GABRA2: variants seen among roughly 807,000 people sequenced by gnomAD.
GABRA2 encodes the protein gamma-aminobutyric acid receptor subunit alpha-2.
Under a neutral mutation model 48.7 loss-of-function variants are expected in GABRA2, and 16 were observed. That is an observed-to-expected ratio of 0.33 (90% CI 0.22 to 0.50). The LOEUF (loss-of-function observed/expected upper bound fraction) is 0.50, where lower values mean the gene tolerates loss of function less well. Ranked by LOEUF, GABRA2 falls within the 20% of genes least tolerant of loss-of-function variation. The pLI is 0.98. For missense variants in GABRA2, 275 were observed against 535.6 expected, an observed-to-expected ratio of 0.51 and a Z score of 4.80; for synonymous variants, 185 against 184.5, an observed-to-expected ratio of 1.00 and a Z score of -0.02.
At position 46,299,277 on chromosome 4, in the gene GABRA2, G is replaced by A. The variant is rs994376943; in HGVS notation, c.856+4183C>T. ...ATTTTAAAAAAATTTATATAGGTGC[G>A]TACACTTTTTAAAAATTGCTCTTTT... is the stretch of plus-strand genomic sequence containing the variant. On this transcript the variant is annotated intron_variant, in intron 8 of 9. Transcript: ENST00000381620. 7.3e-5 allele frequency among the ~76,000 whole-genome samples: 11 copies of A among 151,648 alleles called. No individual in the cohort carries two copies. The East Asian group carries it at 7.7e-4, about 11-fold the overall frequency.
chr4:46,303,107 A>G, intron 8 of GABRA2: 1 of 220,284 alleles, frequency 4.5e-6, no homozygotes, highest in East Asian at 1.3e-4. Context: ...AATACATAGT[A>G]GGTGTTTGAT....
Position 46,249,879 on chromosome 4 carries a change from T to G in GABRA2, c.*429A>C, listed in dbSNP as rs1379115101. The G allele has an allele frequency of 6.1e-6, 1 of 164,940 alleles. No homozygotes were observed. Among genetic ancestry groups the G allele is most frequent in the African/African-American group, 2.4e-5 (1 of 41,466 alleles). 10.2% of individuals were successfully genotyped at this position (164,940 alleles called of 1,614,324 possible). A position where few individuals can be genotyped will look rare whatever the true frequency, so the allele number is the denominator to read the frequency against. On this transcript the variant is annotated 3_prime_UTR_variant, in exon 10 of 10. Transcript: ENST00000381620. Reference sequence around the variant, plus strand: ...TGAACAGAGCTGATGTCAGATACAATGTTTGTTACTTCAAAGGATTCATCT... The same window carrying G: ...TGAACAGAGCTGATGTCAGATACAAGGTTTGTTACTTCAAAGGATTCATCT...
chr4:46,356,567 C>T (rs1321811445), intron 3 of GABRA2, among the ~76,000 whole-genome samples: 1 of 152,114 alleles, frequency 6.6e-6, no homozygotes, highest in East Asian at 1.9e-4. Flanking sequence ...TTTGAGAAAC[C>T]TAGACTTCGC....
chr4:46,273,490 TATATATATATGC>T (rs1335995273), intron 8 of GABRA2, among the ~76,000 whole-genome samples: 4 of 47,538 alleles, frequency 8.4e-5, no homozygotes, highest in African/African-American at 4.5e-4. Context: ...TATGCATATA[TATATATATATGC>T]ATATATATAT....
chr4:46,331,212 C>T (rs911508846), intron 4 of GABRA2, among the ~76,000 whole-genome samples: 4 of 152,256 alleles, frequency 2.6e-5, no homozygotes, highest in South Asian at 2.1e-4. Flanking sequence ...TAAATCTTGA[C>T]ATTCCTGTTT....
chr4:46,287,529 A>G (rs370259886), intron 8 of GABRA2, among the ~76,000 whole-genome samples: 6 of 149,758 alleles, frequency 4.0e-5, no homozygotes, highest in Non-Finnish European at 8.9e-5. Flanking sequence ...TATCGCAAGA[A>G]CAAAAAACCA....
intron 3 of GABRA2, among the ~76,000 whole-genome samples, chr4:46,359,773 C>T (rs530667820): frequency 3.3e-5 from 5 of 152,046 alleles, no homozygotes; most frequent in South Asian, 4.2e-4. Context: ...AAAACTTAGC[C>T]GGGCATGGAG....
chr4:46,305,774 C>G (rs779981201), intron 6 of GABRA2, 63 bp from the exon 7 acceptor site: 1 of 1,215,366 alleles, frequency 8.2e-7, no homozygotes, highest in African/African-American at 1.5e-5. Context: ...TAGTGCTACA[C>G]GAACGGTTGT....
chr4:46,377,043 G>A (rs1023057403), intron 3 of GABRA2, among the ~76,000 whole-genome samples: 14 of 152,142 alleles, frequency 9.2e-5, no homozygotes, highest in Admixed American at 7.9e-4. Flanking sequence ...CGTGCTCAAT[G>A]GTGCCCAGGC....
chr4:46,331,643 A>C (rs539607500), intron 4 of GABRA2, among the ~76,000 whole-genome samples: 1 of 152,304 alleles, frequency 6.6e-6, no homozygotes, highest in African/African-American at 2.4e-5. Flanking sequence ...TTAATGCTTC[A>C]TCAATAATTC....
At chr4:46,376,012 G>C (rs1003100064) in intron 3 of GABRA2, among the ~76,000 whole-genome samples, 2 of 152,160 alleles carry the variant, frequency 1.3e-5, no homozygotes. Context: ...CATGTGTTCT[G>C]TGGTTTCAAG....
At chr4:46,302,127 G>A (rs1231601551) in intron 8 of GABRA2, among the ~76,000 whole-genome samples, 4 of 151,206 alleles carry the variant, frequency 2.6e-5, no homozygotes, top group East Asian at 1.9e-4. Context: ...GGAGTGCAAC[G>A]GCATGATCAT....
chr4:46,279,027 T>C (rs1721023153), intron 8 of GABRA2, among the ~76,000 whole-genome samples: 1 of 151,860 alleles, frequency 6.6e-6, no homozygotes, highest in South Asian at 2.1e-4. Context: ...ATAAAGTGAA[T>C]TATCAAAACA....
At chr4:46,287,962 C>T (rs1482563574) in intron 8 of GABRA2, among the ~76,000 whole-genome samples, 1 of 152,114 alleles carries the variant, frequency 6.6e-6, no homozygotes, top group Non-Finnish European at 1.5e-5. Context: ...GAGCAAGTCA[C>T]ATCTTACATG....
chr4:46,246,447 T>G lies in GABRA2; in HGVS notation c.*3861A>C, dbSNP rs909760901. ...GTATAGTGTCCATGTTTCTCAAGCA[T>G]GCAGATGTCAAAAATAACTGCACCC... On this transcript the variant is annotated 3_prime_UTR_variant, in exon 10 of 10. Transcript: ENST00000381620. Among the ~76,000 whole-genome samples, 2 of 151,176 alleles carry G rather than the reference T, an allele frequency of 1.3e-5. No individual in the cohort carries two copies. The highest frequency in any genetic ancestry group is 4.8e-5 in the African/African-American group (2 of 41,344).
intron 6 of GABRA2, among the ~76,000 whole-genome samples, chr4:46,308,549 C>T (rs1560508250): frequency 1.3e-5 from 2 of 152,236 alleles, no homozygotes; most frequent in South Asian, 4.1e-4. Context: ...GCATCAAGCA[C>T]CTACTACAGG....
rs1212969060 is a variant in GABRA2, at chr4:46,245,499, T to C, written c.*4809A>G. Among the ~76,000 whole-genome samples the C allele has an allele frequency of 1.3e-5, 2 of 151,288 alleles. No individual in the cohort carries two copies. The highest frequency in any genetic ancestry group is 3.9e-4 in the East Asian group (2 of 5,132). On this transcript the variant is annotated 3_prime_UTR_variant, in exon 10 of 10. Transcript: ENST00000381620. Reference sequence around the variant, plus strand: ...AACATAGAAAAGATATTTTTAACCATATGCATAACTCAAACCTAATTCTAA... The same window carrying C: ...AACATAGAAAAGATATTTTTAACCACATGCATAACTCAAACCTAATTCTAA...
chr4:46,307,149 A>G (rs955226766), intron 6 of GABRA2, among the ~76,000 whole-genome samples: 2 of 151,976 alleles, frequency 1.3e-5, no homozygotes, highest in African/African-American at 4.8e-5. Context: ...ATTTGATATG[A>G]ATGAATTTTA....
chr4:46,337,306 A>G (rs279837), intron 3 of GABRA2, among the ~76,000 whole-genome samples: 58,358 of 151,840 alleles, frequency 0.38, 11,853 homozygotes, highest in East Asian at 0.57. Context: ...ACAAAGAGCA[A>G]AGTAAATATC....
Sources: gnomAD v4.1 joint callset for allele counts (sites outside exome capture counted in the v4.1 genomes callset) on GRCh38, gnomAD v4.1.1 for gene constraint, MANE v1.5 for transcripts, NCBI Gene and HGNC (gene_info 2026-07-23, HGNC 2026-07-21) for gene names.